The following TSPAN32 variants were observed in gnomAD, a reference collection of about 807,000 sequenced individuals.
TSPAN32 encodes the protein tetraspanin-32.
Under a neutral mutation model 42.7 loss-of-function variants are expected in TSPAN32, and 47 were observed. That is an observed-to-expected ratio of 1.10 (90% CI 0.87 to 1.40). TSPAN32 has a LOEUF of 1.40. Ranked by LOEUF, TSPAN32 falls within the 40% of genes most tolerant of loss-of-function variation. The probability of loss-of-function intolerance (pLI) is 0.00; values close to 1 mark genes in which losing one functional copy is unlikely to be tolerated. For synonymous variants in TSPAN32, 175 were observed against 175.9 expected, an observed-to-expected ratio of 0.99 and a Z score of 0.04; for missense variants, 469 against 424.1, an observed-to-expected ratio of 1.11 and a Z score of -0.93.
chr11:2,317,213 A>G lies in TSPAN32; in HGVS notation c.720-131A>G, dbSNP rs928204142. ...CCTCACAGTCCCCCTAGAACATTCC[A>G]CAGCAGCTCCATAATCCCCTCCAGA... On this transcript the variant is annotated intron_variant, in intron 8 of 9. Coordinates refer to ENST00000182290, the MANE Select transcript of TSPAN32 (RefSeq NM_139022.3). This position sits in a 1 kb window ranked among gnomAD's most constrained non-coding sequence, Gnocchi z 6.2. 19 of 714,490 alleles carry G rather than the reference A, an allele frequency of 2.7e-5. No individual in the cohort carries two copies. The highest frequency in any genetic ancestry group is 4.2e-5 in the Non-Finnish European group (18 of 427,090). 44.3% of individuals were successfully genotyped at this position (714,490 alleles called of 1,614,324 possible).
Position 2,308,808 on chromosome 11 carries a change from C to G in TSPAN32, c.352C>G (p.Gln118Glu). Residue 118 changes from glutamine (Q) to glutamate (E), a missense_variant and splice_region_variant, in exon 4 of 10, where the codon CAG (glutamine) becomes GAG (glutamate). Coordinates refer to ENST00000182290, the MANE Select transcript of TSPAN32 (RefSeq NM_139022.3). ...GTTCTGGAGACTCCACAGCCCCACC[C>G]AGGTGAGCACCAGCTGCCCCTACCC... Reference protein sequence around the residue: ...VVFWRLHSPTQVEDAMLDTYD... With the variant: ...VVFWRLHSPTEVEDAMLDTYD... 6 of 1,563,406 alleles carry G rather than the reference C, an allele frequency of 3.8e-6. No individual in the cohort carries two copies. Among genetic ancestry groups the G allele is most frequent in the Non-Finnish European group, 2.6e-6 (3 of 1,152,928 alleles).
At chr11:2,307,306 C>T (rs968163083) in intron 3 of TSPAN32, among the ~76,000 whole-genome samples, 11 of 152,172 alleles carry the variant, frequency 7.2e-5, no homozygotes, top group African/African-American at 9.7e-5. Flanking sequence ...GTCTATCCCA[C>T]GGGCACCCAT....
intron 3 of TSPAN32, among the ~76,000 whole-genome samples, chr11:2,308,431 C>CCA (rs60902676): frequency 1.0e-5 from 1 of 95,404 alleles, no homozygotes; most frequent in Non-Finnish European, 2.2e-5. Flanking sequence ...ACCGGCCCCC[C>CCA]GCAGTGACCA....
At chr11:2,316,097 T>C in intron 6 of TSPAN32, 132 bp from the exon 7 acceptor site, 1 of 1,528,048 alleles carries the variant, frequency 6.5e-7, no homozygotes, top group South Asian at 1.2e-5. Flanking sequence ...CCTAGGAATG[T>C]GCCGCACCCG....
rs149680436 is a variant in TSPAN32 at position 2,302,156 on chromosome 11, C to A, written c.7C>A (p.Pro3Thr). 1.0e-5 allele frequency: 15 copies of A among 1,445,892 alleles called. No individual in the cohort carries two copies. In the African/African-American group the frequency reaches 1.4e-4, roughly 14 times the overall value. The allele number at this position is 1,445,892 out of a possible 1,614,324, so 89.6% of individuals were successfully genotyped here. ...GGAGAGGAGAGGAACCGTCATGGGG[C>A]CTTGGAGTCGAGTCAGGGTTGCCAA... MG[P>T]WSRVRVAKCQ... Residue 3 changes from proline to threonine, a missense_variant, in exon 1 of 10, where the codon CCT (proline) becomes ACT (threonine). Physicochemically the swap from Pro to Thr is conservative, Grantham distance 38. Coordinates refer to ENST00000182290, the MANE Select transcript of TSPAN32 (RefSeq NM_139022.3).
intron 7 of TSPAN32, 125 bp from the exon 8 acceptor site, chr11:2,316,451 C>G: frequency 1.9e-6 from 3 of 1,560,638 alleles, no homozygotes; most frequent in African/African-American, 1.4e-5. Context: ...GGGAGCTGCT[C>G]TGGTGTGACA....
At chr11:2,308,574 A>T (rs1310984295) in intron 3 of TSPAN32, among the ~76,000 whole-genome samples, 162 bp from the exon 4 acceptor site, 1 of 2,132 alleles carries the variant, frequency 4.7e-4, no homozygotes, top group East Asian at 2.6e-3. Context: ...CCCCGCAGTG[A>T]CCAGCCCCCC....
At chr11:2,307,499 TC>T (rs1848186987) in intron 3 of TSPAN32, among the ~76,000 whole-genome samples, 1 of 152,006 alleles carries the variant, frequency 6.6e-6, no homozygotes, top group African/African-American at 2.4e-5. Context: ...GTACTCCAGG[TC>T]CTCAGGGCAC....
In TSPAN32 at chr11:2,313,371, G is replaced by A. The variant is rs979272684; in HGVS notation, c.355-283G>A. On this transcript the variant is annotated intron_variant, in intron 4 of 9. Transcript: ENST00000182290. The surrounding 1 kb of genome is among the most constrained non-coding windows in gnomAD (Gnocchi z 9.1). ...TTGTAAGACCACAGCGGAGGCGGACGCAGAGCTTGGCCTCTGCTTTATCCT... is the reference window on the plus strand; with the variant it reads ...TTGTAAGACCACAGCGGAGGCGGACACAGAGCTTGGCCTCTGCTTTATCCT... Among the ~76,000 whole-genome samples, 13 of 152,182 alleles carry A rather than the reference G, an allele frequency of 8.5e-5. No homozygotes were observed. The highest frequency in any genetic ancestry group is 1.2e-4 in the Non-Finnish European group (8 of 68,036).
rs909551017 is a variant in TSPAN32, at chr11:2,313,788, T to A, written c.456+33T>A. ...TGGGGACGGCTGGGTGGCAGGGCGG[T>A]CAGCTTCTGCTTGGACTGCAGTTCA... On this transcript the variant is annotated intron_variant, in intron 5 of 9. Coordinates refer to ENST00000182290, the MANE Select transcript of TSPAN32 (RefSeq NM_139022.3). The surrounding 1 kb of genome is among the most constrained non-coding windows in gnomAD (Gnocchi z 9.1). The A allele has an allele frequency of 1.3e-5, 20 of 1,523,522 alleles. No homozygotes were observed. The highest frequency in any genetic ancestry group is 1.6e-5 in the Non-Finnish European group (18 of 1,127,152). The allele number at this position is 1,523,522 out of a possible 1,614,324, so 94.4% of individuals were successfully genotyped here. A position where few individuals can be genotyped will look rare whatever the true frequency, so the allele number is the denominator to read the frequency against.
rs771242535 is a variant in TSPAN32 at position 2,317,847 on chromosome 11, A to G, written c.902-16A>G. On this transcript the variant is annotated splice_polypyrimidine_tract_variant and intron_variant, in intron 9 of 9. Coordinates refer to ENST00000182290, the MANE Select transcript of TSPAN32 (RefSeq NM_139022.3). This position sits in a 1 kb window ranked among gnomAD's most constrained non-coding sequence, Gnocchi z 6.2. ...GATGTAAGGACTGCAAGCAGTGCCC[A>G]TTTATGATCTCGCAGCTCTCCAGGG... is the stretch of plus-strand genomic sequence containing the variant. 1 of 1,591,516 alleles carries G rather than the reference A, an allele frequency of 6.3e-7. No homozygotes were observed. The highest frequency in any genetic ancestry group is 8.6e-7 in the Non-Finnish European group (1 of 1,160,186).
Position 2,313,107 on chromosome 11 carries a change from G to A in TSPAN32, c.355-547G>A, listed in dbSNP as rs1007903550. The stretch of plus-strand genomic sequence containing the variant: ...TCACCCCCTGCCCCACAGTGGCCTC[G>A]TCCACCCAGATCTGGCCTCAGGTGC... On this transcript the variant is annotated intron_variant, in intron 4 of 9. Transcript: ENST00000182290. This position sits in a 1 kb window ranked among gnomAD's most constrained non-coding sequence, Gnocchi z 9.1. Among the ~76,000 whole-genome samples, 23 of 152,236 alleles carry A rather than the reference G, an allele frequency of 1.5e-4. No homozygotes were observed. The highest frequency in any genetic ancestry group is 5.1e-4 in the African/African-American group (21 of 41,540).
rs1406968753 is a variant in TSPAN32 at position 2,304,805 on chromosome 11, C to A, written c.279+601C>A. 6.6e-6 allele frequency among the ~76,000 whole-genome samples: 1 copy of A among 151,978 alleles called. No homozygotes were observed. The highest frequency in any genetic ancestry group is 2.4e-5 in the African/African-American group (1 of 41,396). ...CATTCCTACTCCTCCCCATGGGCTT[C>A]TGTCTTGGTCCCTGCCACTCGATGG... On this transcript the variant is annotated intron_variant, in intron 3 of 9. Coordinates refer to ENST00000182290, the MANE Select transcript of TSPAN32 (RefSeq NM_139022.3). The surrounding 1 kb of genome is among the most constrained non-coding windows in gnomAD (Gnocchi z 4.8).
intron 3 of TSPAN32, among the ~76,000 whole-genome samples, chr11:2,306,182 G>A (rs1248813037): frequency 6.6e-6 from 1 of 152,090 alleles, no homozygotes; most frequent in Non-Finnish European, 1.5e-5. Context: ...ACAAGTGAAG[G>A]GGCTAGGGAA....
At chr11:2,303,896 A>AGAGGGAAG (rs1360532627) in intron 2 of TSPAN32, among the ~76,000 whole-genome samples, 1 of 152,134 alleles carries the variant, frequency 6.6e-6, no homozygotes, top group Non-Finnish European at 1.5e-5. Flanking sequence ...AGGGAGGAAA[A>AGAGGGAAG]GAGGGAAGGA....
intron 4 of TSPAN32, among the ~76,000 whole-genome samples, chr11:2,311,268 C>A (rs1247762801): frequency 2.0e-5 from 3 of 152,192 alleles, no homozygotes; most frequent in Non-Finnish European, 4.4e-5. Flanking sequence ...CCTCCACCTC[C>A]CCAACTCTTG....
intron 3 of TSPAN32, among the ~76,000 whole-genome samples, chr11:2,306,733 A>G (rs922564083): frequency 1.6e-4 from 24 of 147,426 alleles, no homozygotes; most frequent in African/African-American, 5.6e-4. Flanking sequence ...GAGGAGGAGG[A>G]GGAGGACGAA....
At chr11:2,302,801 C>A in intron 1 of TSPAN32, 43 bp from the exon 2 acceptor site, 1 of 1,553,100 alleles carries the variant, frequency 6.4e-7, no homozygotes, top group Non-Finnish European at 8.9e-7. Flanking sequence ...CCTGCTCCTG[C>A]AGCAGTCCCA....
chr11:2,316,464 G>A (rs773624927), intron 7 of TSPAN32, 112 bp from the exon 8 acceptor site: 7 of 1,573,718 alleles, frequency 4.4e-6, no homozygotes, highest in African/African-American at 1.3e-5. Flanking sequence ...GTGTGACAGG[G>A]CCTGCCTCCT....
Sources: allele counts gnomAD v4.1 joint callset (sites outside exome capture counted in the v4.1 genomes callset), GRCh38; gene constraint gnomAD v4.1.1; non-coding constraint Gnocchi (gnomAD v3.1); transcripts MANE v1.5; gene names NCBI Gene and HGNC (gene_info 2026-07-23, HGNC 2026-07-21).